Variants in PARP16 observed in about 807,000 individuals in gnomAD.
PARP16 encodes the protein poly(ADP-ribose) polymerase family member 16.
A neutral mutation model predicts 35.0 loss-of-function variants in PARP16; 31 were observed. That is an observed-to-expected ratio of 0.88 (90% CI 0.66 to 1.19). The LOEUF is 1.19. Among genes scored for constraint, PARP16 ranks in the 50% most tolerant of loss-of-function variants. The pLI is 0.00. For synonymous variants in PARP16, 162 were observed against 169.5 expected, an observed-to-expected ratio of 0.96 and a Z score of 0.34; for missense variants, 424 against 411.2, an observed-to-expected ratio of 1.03 and a Z score of -0.27.
intron 1 of PARP16, among the ~76,000 whole-genome samples, chr15:65,276,088 G>A (rs1349841387): frequency 1.3e-5 from 2 of 152,142 alleles, no homozygotes; most frequent in Admixed American, 6.5e-5. Context: ...CATCTGCCCA[G>A]ACAGGGTCCC....
chr15:65,265,044 G>A (rs894589298), intron 3 of PARP16, among the ~76,000 whole-genome samples: 1 of 152,204 alleles, frequency 6.6e-6, no homozygotes. Flanking sequence ...GCCAGTGGTG[G>A]ACTGAGAGCC....
chr15:65,285,438 C>A, intron 1 of PARP16: 1 of 298,908 alleles, frequency 3.3e-6, no homozygotes, highest in Non-Finnish European at 6.7e-6. Context: ...CGAGCCTGGC[C>A]CCTCCAAGTT....
At chr15:65,238,101 C>A (rs561909842) in intron 3 of PARP16, among the ~76,000 whole-genome samples, 16 of 152,206 alleles carry the variant, frequency 1.1e-4, no homozygotes, top group Admixed American at 2.0e-4. Context: ...GCCTGGCCAA[C>A]ATGGTGAAAC....
intron 3 of PARP16, among the ~76,000 whole-genome samples, chr15:65,237,153 C>CCCCT (rs1212514925): frequency 6.6e-6 from 1 of 152,074 alleles, no homozygotes; most frequent in Non-Finnish European, 1.5e-5. Context: ...TGCAGTTCCT[C>CCCCT]CCCTCCCCAT....
At chr15:65,285,893 A>G (rs890313686) in intron 1 of PARP16, among the ~76,000 whole-genome samples, 3 of 152,172 alleles carry the variant, frequency 2.0e-5, no homozygotes, top group African/African-American at 7.2e-5. Context: ...ATTATTTGCA[A>G]AAGGATGGAT....
At chr15:65,249,594 G>A (rs906730528) in intron 2 of PARP16, among the ~76,000 whole-genome samples, 2 of 152,238 alleles carry the variant, frequency 1.3e-5, no homozygotes, top group African/African-American at 4.8e-5. Context: ...AGGCAGGACT[G>A]GAGACAGGAA....
chr15:65,230,980 C>T (rs1316822058), downstream of PARP16, among the ~76,000 whole-genome samples: 1 of 151,016 alleles, frequency 6.6e-6, no homozygotes, highest in Non-Finnish European at 1.5e-5. Context: ...CCTCCGCCTC[C>T]CAGGGTCAAG....
intron 1 of PARP16, among the ~76,000 whole-genome samples, chr15:65,279,582 C>CTTTGGATGGAGATGGA (rs536834249): frequency 7.6e-4 from 116 of 152,288 alleles, no homozygotes; most frequent in African/African-American, 2.7e-3. Context: ...TTCTCCTCCA[C>CTTTGGATGGAGATGGA]TGTTCAGATG....
At chr15:65,239,424 T>TAA (rs758350761) in intron 3 of PARP16, among the ~76,000 whole-genome samples, 196 of 6,950 alleles carry the variant, frequency 0.028, 17 homozygotes, top group African/African-American at 0.058. Context: ...AGACTTTGCC[T>TAA]AAAAAAAAAA....
rs796398266 is a variant in PARP16 at position 65,235,146 on chromosome 15, TA to T, written c.*98-324del. ...CGTACCCTAGAACTTAAAGTATATTTAAAAAAAAAAATTAGCCGGGCGTAGT... is the reference window on the plus strand; with the variant it reads ...CGTACCCTAGAACTTAAAGTATATTTAAAAAAAAAATTAGCCGGGCGTAGT... On this transcript the variant is annotated intron_variant and NMD_transcript_variant, in intron 3 of 3. Transcript: ENST00000559805. 3.1e-4 allele frequency among the ~76,000 whole-genome samples: 45 copies of T among 145,708 alleles called. 1 individual carries two copies. The highest frequency in any genetic ancestry group is 6.0e-4 in the African/African-American group (24 of 39,768).
At chr15:65,260,200 G>A (rs1567020125) in intron 5 of PARP16, among the ~76,000 whole-genome samples, 1 of 152,044 alleles carries the variant, frequency 6.6e-6, no homozygotes, top group African/African-American at 2.4e-5. Flanking sequence ...GCAGGAGTGG[G>A]GATTATTTAA....
downstream of PARP16, among the ~76,000 whole-genome samples, chr15:65,256,607 C>T (rs1324226976): frequency 6.6e-6 from 1 of 152,018 alleles, no homozygotes; most frequent in Non-Finnish European, 1.5e-5. Context: ...CGGGGTTTCA[C>T]CGTGTTAGCC....
At chr15:65,235,861 GT>G (rs752611247) in intron 3 of PARP16, among the ~76,000 whole-genome samples, 8,002 of 121,840 alleles carry the variant, frequency 0.066, 102 homozygotes, top group Non-Finnish European at 0.091. Context: ...TGCAGATATG[GT>G]TTTTTTTTTT....
At position 65,286,558 on chromosome 15, in the gene PARP16, G is replaced by T; in HGVS notation, c.-132C>A. The stretch of plus-strand genomic sequence containing the variant: ...GGTTCCCAAGCCTGGGGTGGAGCTA[G>T]GCAGGGGGCTGAGATGACAGGGGTG... On this transcript the variant is annotated 5_prime_UTR_variant, in exon 1 of 6. Coordinates refer to ENST00000649807, the MANE Select transcript of PARP16 (RefSeq NM_001316943.2). The T allele has an allele frequency of 1.6e-6, 1 of 619,934 alleles. No homozygotes were observed. Among genetic ancestry groups the T allele is most frequent in the Non-Finnish European group, 2.6e-6 (1 of 383,640 alleles). The allele number at this position is 619,934 out of a possible 1,614,324, so 38.4% of individuals were successfully genotyped here.
chr15:65,238,487 A>C (rs2088952514), intron 3 of PARP16, among the ~76,000 whole-genome samples: 1 of 151,858 alleles, frequency 6.6e-6, no homozygotes, highest in Non-Finnish European at 1.5e-5. Flanking sequence ...GGATTTCTCC[A>C]TTTCCCTCAT....
At chr15:65,261,100 G>A in intron 4 of PARP16, 74 bp from the exon 5 acceptor site, 1 of 1,449,302 alleles carries the variant, frequency 6.9e-7, no homozygotes, top group Non-Finnish European at 9.5e-7. Flanking sequence ...ATAGAAATAA[G>A]TCAAGCCTCC....
At chr15:65,239,452 A>AAAAAGAG (rs34910178) in intron 3 of PARP16, among the ~76,000 whole-genome samples, 9 of 113,034 alleles carry the variant, frequency 8.0e-5, no homozygotes, top group Non-Finnish European at 1.3e-4. Context: ...AAAAAAAAAA[A>AAAAAGAG]AGAGAGAAAA....
At position 65,269,099 on chromosome 15, in the gene PARP16, AG is replaced by A. The variant is rs535882202; in HGVS notation, c.312+1835del. Among the ~76,000 whole-genome samples the A allele has an allele frequency of 3.6e-4, 55 of 152,132 alleles. 1 individual carries two copies. The highest frequency in any genetic ancestry group is 6.8e-3 in the Middle Eastern group (2 of 294). On this transcript the variant is annotated intron_variant, in intron 2 of 5. Coordinates refer to ENST00000649807, the MANE Select transcript of PARP16 (RefSeq NM_001316943.2). ...GTAGACCTGTGAATTTCCTCTCTAT[AG>A]TGGTTACACCTATAGTCCCAGTTAC...
rs117640101 is a variant in PARP16 at position 65,271,209 on chromosome 15, A to G, written c.175-137T>C. On this transcript the variant is annotated intron_variant, in intron 1 of 5. Coordinates refer to ENST00000649807, the MANE Select transcript of PARP16 (RefSeq NM_001316943.2). Reference sequence around the variant, plus strand: ...CCTGAGAGGAAATTCACAGGTCTACAATCCCCTTTCCAAATAATACTAAAC... The same window carrying G: ...CCTGAGAGGAAATTCACAGGTCTACGATCCCCTTTCCAAATAATACTAAAC... 482 of 751,926 alleles carry G rather than the reference A, an allele frequency of 6.4e-4. 2 individuals carry two copies. The East Asian group carries it at 0.012, about 19-fold the overall frequency. The allele number at this position is 751,926 out of a possible 1,614,324, so 46.6% of individuals were successfully genotyped here. A position where few individuals can be genotyped will look rare whatever the true frequency, so the allele number is the denominator to read the frequency against.
Sources: allele counts gnomAD v4.1 joint callset (sites outside exome capture counted in the v4.1 genomes callset), GRCh38; gene constraint gnomAD v4.1.1; transcripts MANE v1.5; gene names NCBI Gene and HGNC (gene_info 2026-07-23, HGNC 2026-07-21).